Variants in PLXNA4 observed in about 807,000 individuals in gnomAD.
PLXNA4 encodes the protein plexin-A4.
PLXNA4 carries 44 observed loss-of-function variants against 191.8 expected under a neutral mutation model. That is an observed-to-expected ratio of 0.23 (90% confidence interval 0.18 to 0.29). The LOEUF is 0.29. Among genes scored for constraint, PLXNA4 ranks in the 10% least tolerant of loss-of-function variants. The pLI is 1.00. For missense variants in PLXNA4, 1,800 were observed against 2,488.8 expected, an observed-to-expected ratio of 0.72 and a Z score of 5.89; for synonymous variants, 1,082 against 1,009.5, an observed-to-expected ratio of 1.07 and a Z score of -1.36.
In PLXNA4 at chr7:132,194,162, C is replaced by T. The variant is rs767364952; in HGVS notation, c.2756G>A (p.Gly919Glu). Residue 919 changes from glycine (G) to glutamate (E), a missense_variant, in exon 14 of 32, where the codon GGG becomes GAG. Gly to Glu is a moderately conservative substitution (Grantham distance 98). Coordinates refer to ENST00000321063, the MANE Select transcript of PLXNA4 (RefSeq NM_020911.2). Reference protein sequence around the residue: ...IPAEQIVCEMGEAKPSQHAGF... With the variant: ...IPAEQIVCEMEEAKPSQHAGF... ...TGCATGCTGGCTGGGCTTGGCCTCCCCCATCTCACACACGATCCTGCAGGG... is the reference window on the plus strand; with the variant it reads ...TGCATGCTGGCTGGGCTTGGCCTCCTCCATCTCACACACGATCCTGCAGGG... 5 of 1,613,570 alleles carry T rather than the reference C, an allele frequency of 3.1e-6. No homozygotes were observed. The Admixed American group carries it at 6.7e-5, about 22-fold the overall frequency.
At chr7:132,336,480 T>TA (rs1483865225) in intron 3 of PLXNA4, among the ~76,000 whole-genome samples, 36 of 152,278 alleles carry the variant, frequency 2.4e-4, no homozygotes, top group African/African-American at 8.7e-4. Flanking sequence ...CTTAGCCTGA[T>TA]CTCAAAACCC....
Position 132,159,577 on chromosome 7 carries a change from A to G in PLXNA4, c.4556T>C (p.Ile1519Thr). 6.2e-7 allele frequency: 1 copy of G among 1,614,048 alleles called. No individual in the cohort carries two copies. The highest frequency in any genetic ancestry group is 2.2e-5 in the East Asian group (1 of 44,856). Residue 1519 changes from isoleucine (I) to threonine (T), a missense_variant, in exon 25 of 32, where the codon ATC becomes ACC. Physicochemically the swap from Ile to Thr is moderately conservative, Grantham distance 89 (BLOSUM62 -1). Coordinates refer to ENST00000321063, the MANE Select transcript of PLXNA4 (RefSeq NM_020911.2). The part of the protein sequence containing the change: ...NANSPEVPVK[I>T]LNCDTITQVK... ...CTGAGTGATGGTGTCACAGTTGAGGATCTTTACTGGGACCTCGGGGCTGTT... is the reference window on the plus strand; with the variant it reads ...CTGAGTGATGGTGTCACAGTTGAGGGTCTTTACTGGGACCTCGGGGCTGTT...
intron 30 of PLXNA4, among the ~76,000 whole-genome samples, chr7:132,134,557 G>A (rs1256099245): frequency 2.0e-5 from 3 of 152,218 alleles, no homozygotes; most frequent in African/African-American, 7.2e-5. Context: ...GGCAGAGGGA[G>A]GGAGATGACA....
intron 14 of PLXNA4, 126 bp from the exon 15 acceptor site, chr7:132,187,733 A>G (rs762146063): frequency 6.2e-6 from 9 of 1,451,784 alleles, no homozygotes; most frequent in Non-Finnish European, 8.2e-6. Flanking sequence ...GTGGTCTCCC[A>G]GAGAACCAGG....
At chr7:132,206,329 A>G (rs1198332971) in intron 10 of PLXNA4, among the ~76,000 whole-genome samples, 1 of 152,050 alleles carries the variant, frequency 6.6e-6, no homozygotes, top group Non-Finnish European at 1.5e-5. Flanking sequence ...CGTGTTGCCT[A>G]TGTTTATGTT....
chr7:132,526,400 A>T (rs12530624), intron 1 of PLXNA4, among the ~76,000 whole-genome samples: 5,770 of 152,266 alleles, frequency 0.038, 278 homozygotes, highest in African/African-American at 0.11. Flanking sequence ...CAATTTTCTC[A>T]GATTATAAGA....
intron 3 of PLXNA4, among the ~76,000 whole-genome samples, chr7:132,468,850 C>A (rs115047346): frequency 2.6e-5 from 4 of 152,092 alleles, no homozygotes; most frequent in African/African-American, 7.2e-5. Flanking sequence ...TTTTCACAGG[C>A]CCACTTGAAA....
rs1798824146 is a variant in PLXNA4, at chr7:132,239,990, G to A, written c.1604+1076C>T. Among the ~76,000 whole-genome samples, 3 of 152,330 alleles carry A rather than the reference G, an allele frequency of 2.0e-5. No homozygotes were observed. The South Asian group carries it at 6.2e-4, about 32-fold the overall frequency. ...CACCCAGAGATGTATTCGAGTTTAA[G>A]AGGGTGTTTCCGAATTTTAAGGGCA... On this transcript the variant is annotated intron_variant, in intron 5 of 31. Transcript: ENST00000321063.
At chr7:132,489,514 A>G (rs1247936767) in intron 2 of PLXNA4, 40 bp from the exon 3 acceptor site, 1 of 1,478,188 alleles carries the variant, frequency 6.8e-7, no homozygotes, top group Middle Eastern at 1.9e-4. Context: ...AGGGAGCGTC[A>G]AGGAAATTGG....
intron 3 of PLXNA4, among the ~76,000 whole-genome samples, chr7:132,371,122 T>C (rs1372612187): frequency 6.6e-6 from 1 of 152,014 alleles, no homozygotes; most frequent in African/African-American, 2.4e-5. Flanking sequence ...TGCCCCGTGG[T>C]TGGGCTGGGG....
intron 2 of PLXNA4, among the ~76,000 whole-genome samples, chr7:132,606,771 G>C (rs1563192888): frequency 6.6e-6 from 1 of 152,190 alleles, no homozygotes; most frequent in Non-Finnish European, 1.5e-5. Context: ...GAAAAATTAG[G>C]GAGGAGGGAG....
intron 3 of PLXNA4, among the ~76,000 whole-genome samples, chr7:132,432,995 C>T (rs1795326162): frequency 6.6e-6 from 1 of 152,132 alleles, no homozygotes; most frequent in Non-Finnish European, 1.5e-5. Flanking sequence ...TCTCATTATA[C>T]TTACATTGTG....
At chr7:132,252,781 G>A (rs902407097) in intron 4 of PLXNA4, among the ~76,000 whole-genome samples, 4 of 152,176 alleles carry the variant, frequency 2.6e-5, no homozygotes, top group Admixed American at 2.6e-4. Context: ...GATATTCACT[G>A]TGGCTTTGTA....
At chr7:132,157,535 C>G (rs1274981624) in intron 25 of PLXNA4, among the ~76,000 whole-genome samples, 1 of 152,170 alleles carries the variant, frequency 6.6e-6, no homozygotes. Flanking sequence ...AGCACAGAAG[C>G]ACACATCTCT....
intron 8 of PLXNA4, 137 bp from the exon 9 acceptor site, chr7:132,223,778 T>C: frequency 1.5e-6 from 1 of 657,630 alleles, no homozygotes; most frequent in East Asian, 2.8e-5. Flanking sequence ...GGGCAGATCT[T>C]ATGCACATCT....
At chr7:132,303,808 G>C (rs1402937891) in intron 3 of PLXNA4, among the ~76,000 whole-genome samples, 3 of 152,138 alleles carry the variant, frequency 2.0e-5, no homozygotes, top group Non-Finnish European at 2.9e-5. Flanking sequence ...CTGTCTCCTG[G>C]AGGGCTCAGA....
intron 3 of PLXNA4, among the ~76,000 whole-genome samples, chr7:132,349,387 G>A (rs1308352656): frequency 1.3e-5 from 2 of 152,186 alleles, no homozygotes; most frequent in Admixed American, 6.5e-5. Flanking sequence ...GGTGGGGTCG[G>A]AGGAGTGGCT....
In PLXNA4 at chr7:132,469,191, G is replaced by A. The variant is rs73442710; in HGVS notation, c.1371+20101C>T. On this transcript the variant is annotated intron_variant, in intron 3 of 31. Transcript: ENST00000321063. ...AAAAGTATTTTAGATCCAAAAGGGAGCAGTGGCACAATGTCACGATGTAAT... is the reference window on the plus strand; with the variant it reads ...AAAAGTATTTTAGATCCAAAAGGGAACAGTGGCACAATGTCACGATGTAAT... Among the ~76,000 whole-genome samples, 690 of 151,738 alleles carry A rather than the reference G, an allele frequency of 4.5e-3. 5 individuals are homozygous for A. The highest frequency in any genetic ancestry group is 0.016 in the African/African-American group (649 of 41,376).
intron 2 of PLXNA4, among the ~76,000 whole-genome samples, chr7:132,504,536 G>C (rs1313386282): frequency 6.6e-6 from 1 of 152,202 alleles, no homozygotes; most frequent in African/African-American, 2.4e-5. Flanking sequence ...CTGGAGCACA[G>C]TTGACATTCA....
Sources: gnomAD v4.1 joint callset for allele counts (sites outside exome capture counted in the v4.1 genomes callset) on GRCh38, gnomAD v4.1.1 for gene constraint, MANE v1.5 for transcripts, NCBI Gene and HGNC (gene_info 2026-07-23, HGNC 2026-07-21) for gene names.